Variants in FMNL2 observed in about 807,000 individuals in gnomAD.
The protein encoded by FMNL2 is formin like 2, also known as formin-like protein 2.
A neutral mutation model predicts 130.2 loss-of-function variants in FMNL2; 51 were observed. That is an observed-to-expected ratio of 0.39 (90% CI 0.31 to 0.49). The LOEUF (loss-of-function observed/expected upper bound fraction) is 0.49, where lower values mean the gene tolerates loss of function less well. Among genes scored for constraint, FMNL2 ranks in the 20% least tolerant of loss-of-function variants. The pLI, the probability that FMNL2 is intolerant of heterozygous loss-of-function variation, is 0.85. For missense variants in FMNL2, 977 were observed against 1,316.2 expected, an observed-to-expected ratio of 0.74 and a Z score of 3.99; for synonymous variants, 465 against 467.1, an observed-to-expected ratio of 1.00 and a Z score of 0.06.
chr2:152,425,851 C>T (rs989012571), intron 1 of FMNL2, among the ~76,000 whole-genome samples: 1 of 151,950 alleles, frequency 6.6e-6, no homozygotes, highest in Non-Finnish European at 1.5e-5. Flanking sequence ...CAAACGACTT[C>T]CCCCATCCCA....
intron 21 of FMNL2, among the ~76,000 whole-genome samples, chr2:152,633,867 A>G (rs1682361702): frequency 6.6e-6 from 1 of 152,254 alleles, no homozygotes; most frequent in Non-Finnish European, 1.5e-5. Context: ...GCTCCCTGGC[A>G]GAACTGTTCT....
chr2:152,472,101 C>T (rs1466563267), intron 1 of FMNL2, among the ~76,000 whole-genome samples: 1 of 152,168 alleles, frequency 6.6e-6, no homozygotes, highest in Non-Finnish European at 1.5e-5. Flanking sequence ...ATACTATAAT[C>T]AAACAGAGTG....
chr2:152,336,318 C>T (rs1338293568), intron 1 of FMNL2, among the ~76,000 whole-genome samples: 2 of 152,144 alleles, frequency 1.3e-5, no homozygotes, highest in African/African-American at 2.4e-5. Flanking sequence ...CAGTGCGGCG[C>T]CCCGGCCCTT....
intron 25 of FMNL2, among the ~76,000 whole-genome samples, chr2:152,647,318 A>C (rs1282076467): frequency 1.3e-5 from 2 of 152,256 alleles, no homozygotes; most frequent in Non-Finnish European, 2.9e-5. Flanking sequence ...AATGAAAATA[A>C]TAGAGCCCTT....
intron 1 of FMNL2, among the ~76,000 whole-genome samples, chr2:152,394,092 C>T (rs538962401): frequency 6.6e-6 from 1 of 152,154 alleles, no homozygotes; most frequent in Non-Finnish European, 1.5e-5. Flanking sequence ...CTATTTTCCT[C>T]ACTTCCTTTT....
At chr2:152,364,426 TAA>T (rs1354241479) in intron 1 of FMNL2, among the ~76,000 whole-genome samples, 1 of 152,146 alleles carries the variant, frequency 6.6e-6, no homozygotes, top group Non-Finnish European at 1.5e-5. Context: ...AGTTCTATCT[TAA>T]GTCTTTATTG....
intron 20 of FMNL2, among the ~76,000 whole-genome samples, 160 bp from the exon 21 acceptor site, chr2:152,631,848 T>TAAGGCA (rs1432657170): frequency 6.6e-6 from 1 of 152,162 alleles, no homozygotes; most frequent in African/African-American, 2.4e-5. Context: ...ACTGGTTCAC[T>TAAGGCA]AAGGAACAAA....
At chr2:152,401,898 CTTT>C (rs70974858) in intron 1 of FMNL2, among the ~76,000 whole-genome samples, 57 of 78,574 alleles carry the variant, frequency 7.3e-4, no homozygotes, top group African/African-American at 2.9e-3. Context: ...TGTGTTTAAT[CTTT>C]TTTTTTTTTT....
chr2:152,514,734 A>G (rs1692666211), intron 1 of FMNL2, among the ~76,000 whole-genome samples: 1 of 152,222 alleles, frequency 6.6e-6, no homozygotes, highest in South Asian at 2.1e-4. Flanking sequence ...AATATACTAT[A>G]ATAAAAGTTT....
intron 25 of FMNL2, 74 bp downstream of exon 25, chr2:152,640,988 T>C: frequency 6.3e-7 from 1 of 1,590,226 alleles, no homozygotes; most frequent in Non-Finnish European, 8.6e-7. Context: ...ATGCAGATTT[T>C]GCAGCTTCTT....
intron 1 of FMNL2, among the ~76,000 whole-genome samples, chr2:152,415,175 A>G (rs971940977): frequency 6.6e-6 from 1 of 152,098 alleles, no homozygotes; most frequent in Admixed American, 6.5e-5. Context: ...CATTAAAAAA[A>G]AAAAACAAAA....
chr2:152,578,570 T>C (rs960167857), intron 7 of FMNL2: 13 of 186,740 alleles, frequency 7.0e-5, no homozygotes, highest in Non-Finnish European at 1.1e-4. Context: ...AATCTTTTGA[T>C]AATAGCATCA....
intron 1 of FMNL2, among the ~76,000 whole-genome samples, chr2:152,387,844 G>A (rs975420567): frequency 2.6e-5 from 4 of 150,992 alleles, no homozygotes; most frequent in South Asian, 4.2e-4. Context: ...TGTAGAGGTG[G>A]TGTCTCACTA....
At chr2:152,404,255 C>T (rs917425090) in intron 1 of FMNL2, among the ~76,000 whole-genome samples, 9 of 152,132 alleles carry the variant, frequency 5.9e-5, no homozygotes, top group Non-Finnish European at 1.0e-4. Context: ...TGTGTATCAT[C>T]GGTTTGTTCA....
chr2:152,441,035 C>A (rs1047234109), intron 1 of FMNL2, among the ~76,000 whole-genome samples: 1 of 152,148 alleles, frequency 6.6e-6, no homozygotes, highest in African/African-American at 2.4e-5. Flanking sequence ...AGGGTGATTT[C>A]TATAGTCTTA....
chr2:152,575,416 A>G (rs1385999101), intron 7 of FMNL2, among the ~76,000 whole-genome samples, 172 bp downstream of exon 7: 2 of 147,834 alleles, frequency 1.4e-5, no homozygotes, highest in Non-Finnish European at 3.0e-5. Flanking sequence ...AAAGCTGTTG[A>G]AATTTTTTTA....
At chr2:152,646,163 A>C (rs542374745) in intron 25 of FMNL2, among the ~76,000 whole-genome samples, 6 of 142,290 alleles carry the variant, frequency 4.2e-5, no homozygotes, top group African/African-American at 1.5e-4. Flanking sequence ...TCTACAAAAA[A>C]AAAAAAACAA....
intron 25 of FMNL2, among the ~76,000 whole-genome samples, chr2:152,641,816 AAAC>A (rs1683105502): frequency 6.6e-6 from 1 of 152,234 alleles, no homozygotes; most frequent in Admixed American, 6.5e-5. Flanking sequence ...TAAAAAATAA[AAAC>A]AAAAACATAC....
chr2:152,478,740 A>G (rs1019461019), intron 1 of FMNL2, among the ~76,000 whole-genome samples: 20 of 152,190 alleles, frequency 1.3e-4, no homozygotes, highest in African/African-American at 4.8e-4. Context: ...GATGAGAGCT[A>G]AATTTCAGGA....
Sources: allele counts gnomAD v4.1 joint callset (sites outside exome capture counted in the v4.1 genomes callset), GRCh38; gene constraint gnomAD v4.1.1; transcripts MANE v1.5; gene names NCBI Gene and HGNC (gene_info 2026-07-23, HGNC 2026-07-21).